DOK5: variants seen among roughly 807,000 people sequenced by gnomAD.
DOK5 encodes downstream of tyrosine kinase 5.
A neutral mutation model predicts 43.3 loss-of-function variants in DOK5; 27 were observed. That is an observed-to-expected ratio of 0.62 (90% confidence interval 0.46 to 0.86). The LOEUF (loss-of-function observed/expected upper bound fraction) is 0.86. Ranked by LOEUF, DOK5 falls within the 40% of genes least tolerant of loss-of-function variation. DOK5 has a pLI of 0.00. For synonymous variants in DOK5, 146 were observed against 140.1 expected (o/e 1.04, Z -0.30); for missense variants, 373 against 392.9 (o/e 0.95, Z 0.43).
At chr20:54,560,056 C>T (rs1332811187) in intron 2 of DOK5, among the ~76,000 whole-genome samples, 1 of 152,208 alleles carries the variant, frequency 6.6e-6, no homozygotes, top group African/African-American at 2.4e-5. Context: ...AAATAGGATT[C>T]TAGCTTCCGC....
chr20:54,605,022 T>TACAC (rs1376401515), intron 5 of DOK5, among the ~76,000 whole-genome samples: 1 of 128,770 alleles, frequency 7.8e-6, no homozygotes, highest in African/African-American at 3.3e-5. Context: ...AATATATATA[T>TACAC]ATACACACAC....
At chr20:54,576,785 A>G (rs1247047070) in intron 2 of DOK5, among the ~76,000 whole-genome samples, 1 of 152,186 alleles carries the variant, frequency 6.6e-6, no homozygotes, top group Non-Finnish European at 1.5e-5. Context: ...GTTTTCTTTC[A>G]CATCTTAAAG....
rs200646179 is a variant in DOK5 at position 54,509,300 on chromosome 20, C to T, written c.66+33288C>T. ...TAAACTGCTGGGCTCCAGCGATTTT[C>T]CCATCTCAGCCTCCCCAGTAGATGG... On this transcript the variant is annotated intron_variant, in intron 1 of 7. Transcript: ENST00000262593. Among the ~76,000 whole-genome samples the T allele has an allele frequency of 3.9e-5, 6 of 152,318 alleles. No homozygotes were observed. The East Asian group carries it at 1.2e-3, about 29-fold the overall frequency.
intron 7 of DOK5, among the ~76,000 whole-genome samples, chr20:54,648,406 A>G (rs1462406282): frequency 6.6e-6 from 1 of 152,184 alleles, no homozygotes; most frequent in Non-Finnish European, 1.5e-5. Flanking sequence ...TTTATGATAA[A>G]GAAAGTGAGG....
chr20:54,567,068 C>G lies in DOK5; in HGVS notation c.174+12028C>G, dbSNP rs139811548. The stretch of plus-strand genomic sequence containing the variant: ...GGGAGTGTGTGCGTTTGTGTGTGTG[C>G]GTGTATGTGTGTATATATATGTGTC... On this transcript the variant is annotated intron_variant, in intron 2 of 7. Transcript: ENST00000262593. 3.3e-5 allele frequency among the ~76,000 whole-genome samples: 5 copies of G among 150,862 alleles called. No individual in the cohort carries two copies. The South Asian group carries it at 6.3e-4, about 19-fold the overall frequency.
chr20:54,547,207 A>G (rs113420623), intron 1 of DOK5, among the ~76,000 whole-genome samples: 1 of 152,108 alleles, frequency 6.6e-6, no homozygotes, highest in Non-Finnish European at 1.5e-5. Flanking sequence ...CTTTCATGCT[A>G]TATTTGCTGA....
chr20:54,546,080 G>T (rs1984333141), intron 1 of DOK5, among the ~76,000 whole-genome samples: 1 of 152,152 alleles, frequency 6.6e-6, no homozygotes, highest in Admixed American at 6.5e-5. Context: ...GCAAACAAAA[G>T]TTAGAATCCT....
intron 1 of DOK5, among the ~76,000 whole-genome samples, chr20:54,518,387 T>C (rs1983276651): frequency 6.6e-6 from 1 of 152,054 alleles, no homozygotes; most frequent in Admixed American, 6.6e-5. Context: ...TGGTTTTTTG[T>C]CCTTGTGATA....
intron 5 of DOK5, among the ~76,000 whole-genome samples, chr20:54,606,402 A>G (rs75275575): frequency 0.01 from 1,582 of 152,266 alleles, 39 homozygotes; most frequent in African/African-American, 0.036. Flanking sequence ...GTAAAGAGAA[A>G]GGAGGAATCG....
chr20:54,626,603 G>A (rs940178967), intron 6 of DOK5, among the ~76,000 whole-genome samples: 1 of 152,002 alleles, frequency 6.6e-6, no homozygotes, highest in Non-Finnish European at 1.5e-5. Flanking sequence ...ACCTTGTTAA[G>A]AAGTTCACAT....
chr20:54,642,357 AC>A (rs1240950750), intron 6 of DOK5, among the ~76,000 whole-genome samples: 2 of 152,068 alleles, frequency 1.3e-5, no homozygotes, highest in South Asian at 2.1e-4. Context: ...GTTCAAACAG[AC>A]TTTTATTTTT....
chr20:54,526,403 T>A (rs1983577452), intron 1 of DOK5, among the ~76,000 whole-genome samples: 1 of 152,162 alleles, frequency 6.6e-6, no homozygotes, highest in Admixed American at 6.5e-5. Flanking sequence ...TGTATTTGTG[T>A]CCTTTGATCC....
intron 1 of DOK5, among the ~76,000 whole-genome samples, chr20:54,537,847 T>A (rs1405589531): frequency 6.9e-6 from 1 of 144,798 alleles, no homozygotes; most frequent in African/African-American, 2.6e-5. Flanking sequence ...TTTTTTTTTT[T>A]TTTTTTTTTG....
At chr20:54,538,903 A>G (rs1287495098) in intron 1 of DOK5, among the ~76,000 whole-genome samples, 1 of 152,236 alleles carries the variant, frequency 6.6e-6, no homozygotes, top group Non-Finnish European at 1.5e-5. Context: ...GTAGAGAATT[A>G]TGCTAAATGA....
intron 1 of DOK5, among the ~76,000 whole-genome samples, chr20:54,479,084 A>AT (rs1323370304): frequency 2.0e-5 from 3 of 152,046 alleles, no homozygotes; most frequent in Admixed American, 1.3e-4. Context: ...TATATATGTG[A>AT]TTTTTTAACA....
At chr20:54,478,263 T>C (rs1160327907) in intron 1 of DOK5, among the ~76,000 whole-genome samples, 1 of 152,218 alleles carries the variant, frequency 6.6e-6, no homozygotes, top group African/African-American at 2.4e-5. Flanking sequence ...ACCAAAGTTT[T>C]AATGGAGGCT....
intron 6 of DOK5, among the ~76,000 whole-genome samples, chr20:54,628,372 G>A (rs964434413): frequency 4.3e-5 from 5 of 115,408 alleles, no homozygotes; most frequent in Admixed American, 1.3e-4. Context: ...TCGCGCCACT[G>A]CACTCCAGCC....
chr20:54,619,041 A>AT (rs1705316032), intron 6 of DOK5, among the ~76,000 whole-genome samples: 1 of 82,762 alleles, frequency 1.2e-5, no homozygotes, highest in East Asian at 2.8e-4. Context: ...ATATATATAT[A>AT]TATATATATA....
At chr20:54,489,106 G>T (rs939363917) in intron 1 of DOK5, among the ~76,000 whole-genome samples, 6 of 152,126 alleles carry the variant, frequency 3.9e-5, no homozygotes, top group Non-Finnish European at 8.8e-5. Flanking sequence ...CTGAACAGTA[G>T]AACATTTTAG....
Sources: allele counts gnomAD v4.1 joint callset (sites outside exome capture counted in the v4.1 genomes callset), GRCh38; gene constraint gnomAD v4.1.1; transcripts MANE v1.5; gene names NCBI Gene and HGNC (gene_info 2026-07-23, HGNC 2026-07-21).